SPON1: variants seen among roughly 807,000 people sequenced by gnomAD.
SPON1 encodes spondin 1.
In SPON1, 52 loss-of-function variants were observed where a neutral mutation model predicts 111.7. The ratio of observed to expected loss-of-function variants is 0.47; its 90% CI spans 0.37 to 0.59. The LOEUF is 0.59. Among genes scored for constraint, SPON1 ranks in the 20% least tolerant of loss-of-function variants. SPON1 has a pLI of 0.00. For synonymous variants in SPON1, 410 were observed against 395.8 expected (o/e 1.04, Z -0.43); for missense variants, 957 against 1,068.5 (o/e 0.90, Z 1.46).
In SPON1 at chr11:14,147,092, C is replaced by G. The variant is rs182677784; in HGVS notation, c.825+11524C>G. Among the ~76,000 whole-genome samples the G allele has an allele frequency of 4.4e-4, 52 of 117,914 alleles. No homozygotes were observed. The East Asian group carries it at 0.014, about 31-fold the overall frequency. 77.4% of individuals were successfully genotyped at this position (117,914 alleles called of 152,430 possible). A position where few individuals can be genotyped will look rare whatever the true frequency, so the allele number is the denominator to read the frequency against. ...TTGCCCAGGCTGGAGTGCAGTGGTG[C>G]GATCTTGGCTCACTGCAGCCTCCAC... On this transcript the variant is annotated intron_variant, in intron 6 of 15. Coordinates refer to ENST00000576479, the MANE Select transcript of SPON1 (RefSeq NM_006108.4).
rs1165706921 is a variant in SPON1, at chr11:14,054,053, G to A, written c.479+12399G>A. On this transcript the variant is annotated intron_variant, in intron 3 of 15. Coordinates refer to ENST00000576479, the MANE Select transcript of SPON1 (RefSeq NM_006108.4). ...TCCCTGCAAGCCTGCTCACAACAAA[G>A]AATACCCAACCTAAAGTCAGTGAAC... is the stretch of plus-strand genomic sequence containing the variant. Among the ~76,000 whole-genome samples the A allele has an allele frequency of 2.0e-5, 3 of 152,082 alleles. No homozygotes were observed. The East Asian group carries it at 5.8e-4, about 29-fold the overall frequency.
intron 2 of SPON1, among the ~76,000 whole-genome samples, chr11:14,039,361 G>C (rs950924285): frequency 6.6e-6 from 1 of 152,134 alleles, no homozygotes; most frequent in African/African-American, 2.4e-5. Flanking sequence ...GTTAATATAG[G>C]CTCATTGATT....
At chr11:14,114,519 C>T (rs1849252186) in intron 5 of SPON1, among the ~76,000 whole-genome samples, 1 of 152,200 alleles carries the variant, frequency 6.6e-6, no homozygotes, top group Non-Finnish European at 1.5e-5. Flanking sequence ...CTCTTGGCTC[C>T]ACATCCGTCC....
intron 3 of SPON1, among the ~76,000 whole-genome samples, chr11:14,063,629 G>T (rs1848808691): frequency 6.6e-6 from 1 of 152,220 alleles, no homozygotes; most frequent in Non-Finnish European, 1.5e-5. Flanking sequence ...GATGAGGTCA[G>T]ATGCTACAAG....
rs200037043 is a variant in SPON1 at position 14,216,611 on chromosome 11, TGGCAGAA to T, written c.826-26705_826-26699del. ...CCAGTATCTGAGGAAGGTCATCCCATGGCAGAAGGCAGAAGGCAGAAGTGATTGATTA... is the reference window on the plus strand; with the variant it reads ...CCAGTATCTGAGGAAGGTCATCCCATGGCAGAAGGCAGAAGTGATTGATTA... On this transcript the variant is annotated intron_variant, in intron 6 of 15. Transcript: ENST00000576479. Among the ~76,000 whole-genome samples the T allele has an allele frequency of 6.9e-3, 1,046 of 152,310 alleles. 12 individuals are homozygous for T. The highest frequency in any genetic ancestry group is 0.024 in the African/African-American group (995 of 41,552).
chr11:14,202,052 C>A (rs2133897229), intron 6 of SPON1, among the ~76,000 whole-genome samples: 1 of 152,230 alleles, frequency 6.6e-6, no homozygotes, highest in South Asian at 2.1e-4. Context: ...GAATGAATTT[C>A]TCTTTAATAT....
chr11:14,172,206 T>G (rs1848111798), intron 6 of SPON1, among the ~76,000 whole-genome samples: 1 of 151,932 alleles, frequency 6.6e-6, no homozygotes, highest in East Asian at 1.9e-4. Flanking sequence ...TTTAGGAGAG[T>G]TAGCTCTTCT....
chr11:14,160,524 CATATATATATTT>C (rs1368095988), intron 6 of SPON1, among the ~76,000 whole-genome samples: 39 of 3,354 alleles, frequency 0.012, 2 homozygotes, highest in East Asian at 0.028. Flanking sequence ...TATATATTTA[CATATATATATTT>C]ATATATATAT....
At chr11:14,233,948 TG>T (rs1396941183) in intron 6 of SPON1, among the ~76,000 whole-genome samples, 1 of 151,816 alleles carries the variant, frequency 6.6e-6, no homozygotes, top group Non-Finnish European at 1.5e-5. Flanking sequence ...CTTTTAGAGA[TG>T]GGGTTTCACC....
intron 6 of SPON1, among the ~76,000 whole-genome samples, chr11:14,196,013 C>T (rs368744419): frequency 3.9e-5 from 6 of 152,196 alleles, no homozygotes; most frequent in East Asian, 1.9e-4. Flanking sequence ...TCCTGTTTCC[C>T]CAGCTATCCA....
chr11:14,142,444 T>C (rs1591387271), intron 6 of SPON1, among the ~76,000 whole-genome samples: 1 of 152,280 alleles, frequency 6.6e-6, no homozygotes, highest in South Asian at 2.1e-4. Context: ...GACAGTGTCA[T>C]CTCCCAATTT....
At chr11:13,994,161 C>T (rs1554911506) in intron 2 of SPON1, among the ~76,000 whole-genome samples, 1 of 152,122 alleles carries the variant, frequency 6.6e-6, no homozygotes, top group East Asian at 1.9e-4. Context: ...AAATAAAATG[C>T]TATTGCAAGC....
At chr11:14,167,642 A>G (rs1209542270) in intron 6 of SPON1, among the ~76,000 whole-genome samples, 3 of 152,138 alleles carry the variant, frequency 2.0e-5, no homozygotes, top group Non-Finnish European at 4.4e-5. Flanking sequence ...ATTTCTATCC[A>G]GTTTTAATTA....
chr11:14,156,087 T>C lies in SPON1; in HGVS notation c.825+20519T>C, dbSNP rs1320522910. 1.6e-5 allele frequency among the ~76,000 whole-genome samples: 2 copies of C among 122,898 alleles called. 1 individual carries two copies. Among genetic ancestry groups the C allele is most frequent in the Non-Finnish European group, 3.7e-5 (2 of 54,772 alleles). The allele number at this position is 122,898 out of a possible 152,430, so 80.6% of individuals were successfully genotyped here. On this transcript the variant is annotated intron_variant, in intron 6 of 15. Coordinates refer to ENST00000576479, the MANE Select transcript of SPON1 (RefSeq NM_006108.4). The stretch of plus-strand genomic sequence containing the variant: ...TCACCACACTGACTTCCACAATGGT[T>C]GAACTAGTTTACAGTCCCACCAACA...
At position 14,160,628 on chromosome 11, in the gene SPON1, TTTA is replaced by T. The variant is rs1847915842; in HGVS notation, c.825+25062_825+25064del. Reference sequence around the variant, plus strand: ...ATATTTATATATATTTATATATATATTTATATATATTTACATATATTTATATAT... The same window carrying T: ...ATATTTATATATATTTATATATATATTATATATTTACATATATTTATATAT... On this transcript the variant is annotated intron_variant, in intron 6 of 15. Coordinates refer to ENST00000576479, the MANE Select transcript of SPON1 (RefSeq NM_006108.4). Among the ~76,000 whole-genome samples, 3 of 30,288 alleles carry T rather than the reference TTTA, an allele frequency of 9.9e-5. 1 individual carries two copies. Among genetic ancestry groups the T allele is most frequent in the Non-Finnish European group, 1.7e-4 (3 of 17,692 alleles). 19.9% of individuals were successfully genotyped at this position (30,288 alleles called of 152,430 possible).
chr11:13,990,373 CTTTTTTTTTTTTTTT>C (rs1159719282), intron 2 of SPON1, among the ~76,000 whole-genome samples: 52 of 21,710 alleles, frequency 2.4e-3, no homozygotes, highest in Middle Eastern at 0.033. Context: ...GCAACTCCTG[CTTTTTTTTTTTTTTT>C]TTTTTTTTTT....
intron 2 of SPON1, among the ~76,000 whole-genome samples, chr11:14,021,553 C>T (rs1215108852): frequency 6.6e-6 from 1 of 152,146 alleles, no homozygotes; most frequent in Non-Finnish European, 1.5e-5. Context: ...TGGTTTTGTT[C>T]AGCACTTCCC....
chr11:14,173,054 G>A (rs1385978698), intron 6 of SPON1, among the ~76,000 whole-genome samples: 1 of 151,850 alleles, frequency 6.6e-6, no homozygotes, highest in African/African-American at 2.4e-5. Context: ...CGCTAGATTG[G>A]GGAAGTTCTC....
intron 1 of SPON1, among the ~76,000 whole-genome samples, chr11:13,971,852 G>A (rs1554908627): frequency 6.6e-6 from 1 of 152,176 alleles, no homozygotes; most frequent in Admixed American, 6.5e-5. Context: ...ATGGGGAGAA[G>A]AGAACCATGA....
Sources: allele counts gnomAD v4.1 joint callset (sites outside exome capture counted in the v4.1 genomes callset), GRCh38; gene constraint gnomAD v4.1.1; transcripts MANE v1.5; gene names NCBI Gene and HGNC (gene_info 2026-07-23, HGNC 2026-07-21).